ST8SIA6: variants seen among roughly 807,000 people sequenced by gnomAD.
The protein encoded by ST8SIA6 is ST8 alpha-N-acetyl-neuraminide alpha-2,8-sialyltransferase 6, also known as alpha-2,8-sialyltransferase 8F.
In ST8SIA6, 39 loss-of-function variants were observed where a neutral mutation model predicts 33.6. That is an observed-to-expected ratio of 1.16 (90% CI 0.90 to 1.52). The LOEUF (loss-of-function observed/expected upper bound fraction) is 1.52. ST8SIA6 is among the 40% of genes most tolerant of loss of function. ST8SIA6 has a pLI of 0.00. For missense variants in ST8SIA6, 441 were observed against 443.8 expected, an observed-to-expected ratio of 0.99 and a Z score of 0.06; for synonymous variants, 172 against 167.2, an observed-to-expected ratio of 1.03 and a Z score of -0.22.
At chr10:17,443,437 T>G (rs990634199) in intron 2 of ST8SIA6, among the ~76,000 whole-genome samples, 1 of 152,252 alleles carries the variant, frequency 6.6e-6, no homozygotes, top group Admixed American at 6.5e-5. Flanking sequence ...TTTCTGGGAA[T>G]GCTGCATTTA....
At chr10:17,448,906 C>T (rs1160244573) in intron 2 of ST8SIA6, among the ~76,000 whole-genome samples, 1 of 151,028 alleles carries the variant, frequency 6.6e-6, no homozygotes, top group Non-Finnish European at 1.5e-5. Flanking sequence ...AGGCGTGAGC[C>T]ATTGCGCCCG....
At chr10:17,323,229 G>GCACA (rs1554783533) in intron 6 of ST8SIA6, 72 bp from the exon 7 acceptor site, 57 of 794,398 alleles carry the variant, frequency 7.2e-5, no homozygotes, top group Middle Eastern at 3.7e-4. Flanking sequence ...ACATATGCGC[G>GCACA]CACACACACA....
At chr10:17,356,389 CTTTT>C (rs56763058) in intron 4 of ST8SIA6, among the ~76,000 whole-genome samples, 1 of 142,520 alleles carries the variant, frequency 7.0e-6, no homozygotes, top group African/African-American at 2.6e-5. Flanking sequence ...CAGAGGTTTA[CTTTT>C]TTTTTTTTTT....
At chr10:17,441,683 T>A (rs2131737369) in intron 2 of ST8SIA6, among the ~76,000 whole-genome samples, 1 of 152,214 alleles carries the variant, frequency 6.6e-6, no homozygotes, top group African/African-American at 2.4e-5. Context: ...CTATCCTCGC[T>A]CCACCATCTG....
chr10:17,424,738 A>ATT (rs779491848), intron 2 of ST8SIA6, among the ~76,000 whole-genome samples: 66 of 140,936 alleles, frequency 4.7e-4, no homozygotes, highest in African/African-American at 1.6e-3. Flanking sequence ...AACATCATAA[A>ATT]TTTTTTTTTT....
rs111859985 is a variant in ST8SIA6 at position 17,379,014 on chromosome 10, T to C, written c.290+11517A>G. Among the ~76,000 whole-genome samples the C allele has an allele frequency of 7.6e-3, 1,160 of 151,884 alleles. 5 individuals are homozygous for C. Among genetic ancestry groups the C allele is most frequent in the Non-Finnish European group, 0.013 (850 of 67,966 alleles). On this transcript the variant is annotated intron_variant, in intron 3 of 7. Coordinates refer to ENST00000377602, the MANE Select transcript of ST8SIA6 (RefSeq NM_001004470.3). Reference sequence around the variant, plus strand: ...GGTGGCAGGCGCCTGTAGTCCCAGCTACTGGGGAGGCTGAGGCAGAAGAAT... The same window carrying C: ...GGTGGCAGGCGCCTGTAGTCCCAGCCACTGGGGAGGCTGAGGCAGAAGAAT...
At chr10:17,428,457 G>A (rs905960206) in intron 2 of ST8SIA6, among the ~76,000 whole-genome samples, 1 of 152,090 alleles carries the variant, frequency 6.6e-6, no homozygotes, top group African/African-American at 2.4e-5. Context: ...CTGTTGCATT[G>A]TTCTCAATCT....
chr10:17,424,502 G>A (rs1310391963), intron 2 of ST8SIA6, among the ~76,000 whole-genome samples: 1 of 152,120 alleles, frequency 6.6e-6, no homozygotes, highest in East Asian at 1.9e-4. Context: ...GTATATGAGT[G>A]TGAGTATAAG....
intron 2 of ST8SIA6, among the ~76,000 whole-genome samples, chr10:17,415,422 A>C (rs1851570585): frequency 6.6e-6 from 1 of 152,192 alleles, no homozygotes; most frequent in Non-Finnish European, 1.5e-5. Context: ...CAGGAAAAGA[A>C]GACTAGAATT....
chr10:17,327,677 TGAGA>T (rs1168537069), intron 5 of ST8SIA6, among the ~76,000 whole-genome samples: 1 of 151,498 alleles, frequency 6.6e-6, no homozygotes, highest in Non-Finnish European at 1.5e-5. Context: ...GCTGCCAAAA[TGAGA>T]GAGTCACTTG....
chr10:17,336,335 C>G (rs1848498376), intron 4 of ST8SIA6, among the ~76,000 whole-genome samples: 2 of 152,036 alleles, frequency 1.3e-5, no homozygotes, highest in Non-Finnish European at 2.9e-5. Context: ...GGACAATAAG[C>G]GCTTGAATAA....
At chr10:17,438,113 G>A (rs1427700803) in intron 2 of ST8SIA6, among the ~76,000 whole-genome samples, 2 of 152,054 alleles carry the variant, frequency 1.3e-5, no homozygotes, top group East Asian at 3.9e-4. Flanking sequence ...TTATTTTACT[G>A]AGCTTGATTT....
intron 4 of ST8SIA6, among the ~76,000 whole-genome samples, chr10:17,336,758 T>C (rs1848511881): frequency 6.6e-6 from 1 of 151,888 alleles, no homozygotes; most frequent in Non-Finnish European, 1.5e-5. Context: ...TACACCCAAC[T>C]AATTTTTATA....
At chr10:17,417,723 C>A (rs565331658) in intron 2 of ST8SIA6, among the ~76,000 whole-genome samples, 2 of 152,282 alleles carry the variant, frequency 1.3e-5, no homozygotes, top group Non-Finnish European at 2.9e-5. Flanking sequence ...GCCTTCCCTG[C>A]TTCTCCTTTT....
At chr10:17,416,526 TTTC>T (rs1309341097) in intron 2 of ST8SIA6, among the ~76,000 whole-genome samples, 3 of 152,200 alleles carry the variant, frequency 2.0e-5, no homozygotes, top group Non-Finnish European at 4.4e-5. Flanking sequence ...ACTTCCCTCT[TTTC>T]CAGTCTTCCC....
chr10:17,366,510 T>C (rs1849563791), intron 3 of ST8SIA6, among the ~76,000 whole-genome samples: 1 of 151,988 alleles, frequency 6.6e-6, no homozygotes, highest in Admixed American at 6.6e-5. Context: ...TGGTATTAAG[T>C]ATATACTTAA....
At chr10:17,376,569 A>G (rs1849922870) in intron 3 of ST8SIA6, among the ~76,000 whole-genome samples, 1 of 152,212 alleles carries the variant, frequency 6.6e-6, no homozygotes, top group South Asian at 2.1e-4. Flanking sequence ...AGCACCTCTA[A>G]GTATCTGCTC....
intron 2 of ST8SIA6, among the ~76,000 whole-genome samples, chr10:17,414,869 A>T (rs1204153430): frequency 6.6e-6 from 1 of 152,192 alleles, no homozygotes; most frequent in Admixed American, 6.5e-5. Flanking sequence ...TCAGTCCTTC[A>T]GAGTGCCTGT....
intron 2 of ST8SIA6, among the ~76,000 whole-genome samples, chr10:17,405,408 G>A (rs758883326): frequency 2.2e-4 from 33 of 151,368 alleles, no homozygotes; most frequent in South Asian, 4.2e-4. Flanking sequence ...GATCATTTTC[G>A]TAGCTGTATG....
Sources: gnomAD v4.1 joint callset for allele counts (sites outside exome capture counted in the v4.1 genomes callset) on GRCh38, gnomAD v4.1.1 for gene constraint, MANE v1.5 for transcripts, NCBI Gene and HGNC (gene_info 2026-07-23, HGNC 2026-07-21) for gene names.